KDM1B: variants seen among roughly 807,000 people sequenced by gnomAD.
KDM1B encodes lysine demethylase 1B.
KDM1B carries 63 observed loss-of-function variants against 107.4 expected under a neutral mutation model. The observed-to-expected ratio is 0.59, with a 90% CI of 0.48 to 0.72. The LOEUF (loss-of-function observed/expected upper bound fraction) is 0.72, where lower values mean the gene tolerates loss of function less well. KDM1B is among the 30% of genes least tolerant of loss of function. KDM1B has a pLI of 0.00. For synonymous variants in KDM1B, 363 were observed against 363.9 expected (o/e 1.00, Z 0.03); for missense variants, 749 against 1,020.8 (o/e 0.73, Z 3.63).
chr6:18,176,383 GATCAT>G (rs1192173048), intron 7 of KDM1B, among the ~76,000 whole-genome samples: 1 of 152,058 alleles, frequency 6.6e-6, no homozygotes, highest in Non-Finnish European at 1.5e-5. Flanking sequence ...CGGGGTAAAC[GATCAT>G]ATCATCAGCA....
rs214589 is a variant in KDM1B at position 18,209,452 on chromosome 6, G to A, written c.1866+1246G>A. Among the ~76,000 whole-genome samples, 84,023 of 152,004 alleles carry A rather than the reference G, an allele frequency of 0.55. 24,565 individuals carry two copies. The highest frequency in any genetic ancestry group is 0.81 in the East Asian group (4,181 of 5,172). On this transcript the variant is annotated intron_variant, in intron 17 of 21. Coordinates refer to ENST00000650836, the MANE Select transcript of KDM1B (RefSeq NM_001364614.2). This position sits in a 1 kb window ranked among gnomAD's most constrained non-coding sequence, Gnocchi z 4.3. ...ACAGGTCTAGGGAATGAGTTAGTCG[G>A]GGCAGGGGATCCTAACATTATTCCT...
In KDM1B at chr6:18,191,324, C is replaced by T. The variant is rs1327063983; in HGVS notation, c.912C>T (p.Pro304=). ...LYEFPEYSRD[P]TMYLALRNLI... Reference sequence around the variant, plus strand: ...AGTTTCCAGAGTATTCCCGAGACCCCACCATGTACCTGGCTTTGAGAAACC... The same window carrying T: ...AGTTTCCAGAGTATTCCCGAGACCCTACCATGTACCTGGCTTTGAGAAACC... The change falls in exon 10 of 22, where the codon CCC becomes CCT. Residue 304 remains proline, a synonymous_variant. Coordinates refer to ENST00000650836, the MANE Select transcript of KDM1B (RefSeq NM_001364614.2). This position sits in a 1 kb window ranked among gnomAD's most constrained non-coding sequence, Gnocchi z 5.1. 6.4e-7 allele frequency: 1 copy of T among 1,551,032 alleles called. No individual in the cohort carries two copies. The highest frequency in any genetic ancestry group is 8.7e-7 in the Non-Finnish European group (1 of 1,147,084).
chr6:18,198,551 C>T (rs113949256), intron 12 of KDM1B, among the ~76,000 whole-genome samples: 2,938 of 147,326 alleles, frequency 0.02, 102 homozygotes, highest in African/African-American at 0.07. Context: ...TTTTTATGCC[C>T]GTCAAAAACG....
chr6:18,213,523 AAG>A lies in KDM1B; in HGVS notation c.1984-130_1984-129del, dbSNP rs1445585929. On this transcript the variant is annotated intron_variant, in intron 18 of 21. Coordinates refer to ENST00000650836, the MANE Select transcript of KDM1B (RefSeq NM_001364614.2). The surrounding 1 kb of genome is among the most constrained non-coding windows in gnomAD (Gnocchi z 5.9). The stretch of plus-strand genomic sequence containing the variant: ...GAAAAAAGGAGGTGAGGAGAATGGA[AAG>A]AGCGGTATTTGGGGTTGTTCTTTCG... The A allele has an allele frequency of 3.8e-6, 3 of 796,960 alleles. No homozygotes were observed. The highest frequency in any genetic ancestry group is 6.2e-6 in the Non-Finnish European group (3 of 482,430). The allele number at this position is 796,960 out of a possible 1,614,324, so 49.4% of individuals were successfully genotyped here.
At chr6:18,169,361 A>C (rs1408655396) in intron 6 of KDM1B, among the ~76,000 whole-genome samples, 1 of 151,166 alleles carries the variant, frequency 6.6e-6, no homozygotes, top group Non-Finnish European at 1.5e-5. Context: ...CAGCCTCCCA[A>C]GTAGCTGGGA....
rs367866866 is a variant in KDM1B at position 18,166,340 on chromosome 6, C to G, written c.379C>G (p.Pro127Ala). The change falls in exon 6 of 22, where the codon CCC becomes GCC. Residue 127 changes from proline (P) to alanine (A), a missense_variant. Transcript: ENST00000650836. ...TAGCAATGGCAAAACCGAACCTAGT[C>G]CCAAAGCTTTCATGGCAGACCAGCA... Reference protein sequence around the residue: ...WTSNGKTEPSPKAFMADQQLP... With the variant: ...WTSNGKTEPSAKAFMADQQLP... 1 of 1,613,114 alleles carries G rather than the reference C, an allele frequency of 6.2e-7. No homozygotes were observed. Among genetic ancestry groups the G allele is most frequent in the East Asian group, 2.2e-5 (1 of 44,864 alleles).
chr6:18,207,351 G>C lies in KDM1B; in HGVS notation c.1660-47G>C, dbSNP rs754072462. 6 of 1,600,468 alleles carry C rather than the reference G, an allele frequency of 3.7e-6. No homozygotes were observed. The South Asian group carries it at 5.5e-5, about 15-fold the overall frequency. On this transcript the variant is annotated intron_variant, in intron 15 of 21. Coordinates refer to ENST00000650836, the MANE Select transcript of KDM1B (RefSeq NM_001364614.2). ...TCCTCATATTGGCTCTCAGGCACAGGCACAAGGATTTACACTGCTGTGTCC... is the reference window on the plus strand; with the variant it reads ...TCCTCATATTGGCTCTCAGGCACAGCCACAAGGATTTACACTGCTGTGTCC...
chr6:18,176,133 C>T (rs1392823431), intron 7 of KDM1B, among the ~76,000 whole-genome samples: 2 of 152,124 alleles, frequency 1.3e-5, no homozygotes, highest in Admixed American at 6.6e-5. Context: ...TTTCTTCCAG[C>T]AGTGTTTTGT....
rs1296696090 is a variant in KDM1B, at chr6:18,162,653, C to T, written c.216-182C>T. ...TAGGTTAGGTCCCATGGCCTAAGTC[C>T]CTGCATCCTTCCTGTGTGTTATTAT... On this transcript the variant is annotated intron_variant, in intron 4 of 21. Transcript: ENST00000650836. The surrounding 1 kb of genome is among the most constrained non-coding windows in gnomAD (Gnocchi z 4.1). Among the ~76,000 whole-genome samples, 1 of 152,118 alleles carries T rather than the reference C, an allele frequency of 6.6e-6. No individual in the cohort carries two copies. The highest frequency in any genetic ancestry group is 1.5e-5 in the Non-Finnish European group (1 of 68,038).
rs1269277959 is a variant in KDM1B at position 18,159,071 on chromosome 6, G to A, written c.-13-812G>A. 2.0e-5 allele frequency among the ~76,000 whole-genome samples: 3 copies of A among 152,134 alleles called. No individual in the cohort carries two copies. The highest frequency in any genetic ancestry group is 1.9e-4 in the East Asian group (1 of 5,194). On this transcript the variant is annotated intron_variant, in intron 2 of 21. Transcript: ENST00000650836. The surrounding 1 kb of genome is among the most constrained non-coding windows in gnomAD (Gnocchi z 4.5). The stretch of plus-strand genomic sequence containing the variant: ...CAACCTCCGCCTCCCTGGTTCAGGC[G>A]ATTCTCCTGCCCCAGCCTCCTGAGT...
At chr6:18,194,355 G>T (rs190881831) in intron 10 of KDM1B, among the ~76,000 whole-genome samples, 3 of 152,052 alleles carry the variant, frequency 2.0e-5, no homozygotes, top group African/African-American at 4.8e-5. Context: ...TCAGTCACAA[G>T]AATCCAGCTT....
chr6:18,184,736 C>CTTTTTTTTTGTTTTTTTTTTTTTTT, intron 7 of KDM1B, among the ~76,000 whole-genome samples: 1 of 65,434 alleles, frequency 1.5e-5, no homozygotes, highest in Non-Finnish European at 2.8e-5. Context: ...AGCTTTTTTC[C>CTTTTTTTTTGTTTTTTTTTTTTTTT]TTTTTTTTTT....
In KDM1B at chr6:18,207,480, T is replaced by C. The variant is rs1055146839; in HGVS notation, c.1742T>C (p.Val581Ala). Residue 581 changes from valine to alanine, a missense_variant, in exon 16 of 22, where the codon GTG (valine) becomes GCG (alanine). Physicochemically the swap from Val to Ala is moderately conservative, Grantham distance 64 (BLOSUM62 0). Transcript: ENST00000650836. ...ACTCTGCTAACTCCCGGGTACTCGG[T>C]GATAATTGAAAAACTGGCAGAAGGG... Reference protein sequence around the residue: ...DHTLLTPGYSVIIEKLAEGLD... With the variant: ...DHTLLTPGYSAIIEKLAEGLD... 3.1e-6 allele frequency: 5 copies of C among 1,614,028 alleles called. No individual in the cohort carries two copies. The highest frequency in any genetic ancestry group is 4.2e-6 in the Non-Finnish European group (5 of 1,180,038).
At position 18,208,181 on chromosome 6, in the gene KDM1B, A is replaced by T; in HGVS notation, c.1841A>T (p.Asp614Val). 6.2e-7 allele frequency: 1 copy of T among 1,613,774 alleles called. No individual in the cohort carries two copies. Among genetic ancestry groups the T allele is most frequent in the Non-Finnish European group, 8.5e-7 (1 of 1,179,784 alleles). The change falls in exon 17 of 22, where the codon GAT becomes GTT. Residue 614 changes from aspartate to valine, a missense_variant. Physicochemically the swap from Asp to Val is radical, Grantham distance 152. Coordinates refer to ENST00000650836, the MANE Select transcript of KDM1B (RefSeq NM_001364614.2). ...GATGAAGTGCAGGTTACCACTACAG[A>T]TGGCACAGGGTATTCTGCACAAAAG... ...SGDEVQVTTTDGTGYSAQKVL... is the reference protein window; with the variant it reads ...SGDEVQVTTTVGTGYSAQKVL...
rs537905182 is a variant in KDM1B at position 18,188,123 on chromosome 6, G to A, written c.784+121G>A. 9.1e-4 allele frequency: 807 copies of A among 887,488 alleles called. 10 individuals are homozygous for A. In the Admixed American group the frequency reaches 0.016, roughly 18 times the overall value. 55.0% of individuals were successfully genotyped at this position (887,488 alleles called of 1,614,324 possible). A position where few individuals can be genotyped will look rare whatever the true frequency, so the allele number is the denominator to read the frequency against. On this transcript the variant is annotated intron_variant, in intron 9 of 21. Transcript: ENST00000650836. Reference sequence around the variant, plus strand: ...GTGCAGGCTGGGCACAGTGGCTCATGCCTGTAATCCCAGCACTTTGGGTGG... The same window carrying A: ...GTGCAGGCTGGGCACAGTGGCTCATACCTGTAATCCCAGCACTTTGGGTGG...
intron 12 of KDM1B, among the ~76,000 whole-genome samples, chr6:18,199,922 A>C (rs1043792571): frequency 6.6e-6 from 1 of 152,152 alleles, no homozygotes; most frequent in Non-Finnish European, 1.5e-5. Context: ...TCTGTTGCCC[A>C]GGCTGGAGTG....
chr6:18,220,374 C>G (rs555182672), intron 21 of KDM1B, among the ~76,000 whole-genome samples: 1 of 152,144 alleles, frequency 6.6e-6, no homozygotes, highest in African/African-American at 2.4e-5. Context: ...CATGGTGAAA[C>G]CCCGTCACTA....
intron 9 of KDM1B, among the ~76,000 whole-genome samples, chr6:18,188,797 T>C (rs1176636215): frequency 1.4e-5 from 2 of 142,082 alleles, no homozygotes; most frequent in Non-Finnish European, 3.1e-5. Flanking sequence ...TTTTTTTTTC[T>C]TTTTGAGACA....
At chr6:18,184,273 C>CTTTTTTTTTTTT (rs1163110910) in intron 7 of KDM1B, among the ~76,000 whole-genome samples, 2 of 116,644 alleles carry the variant, frequency 1.7e-5, no homozygotes, top group Non-Finnish European at 3.5e-5. Context: ...GTTCTAGCTT[C>CTTTTTTTTTTTT]TTTTTTTTTT....
Sources: gnomAD v4.1 joint callset for allele counts (sites outside exome capture counted in the v4.1 genomes callset) on GRCh38, gnomAD v4.1.1 for gene constraint, Gnocchi (gnomAD v3.1) non-coding constraint, MANE v1.5 for transcripts, NCBI Gene and HGNC (gene_info 2026-07-23, HGNC 2026-07-21) for gene names.